ABL1: variants seen among roughly 807,000 people sequenced by gnomAD.
ABL1 encodes tyrosine-protein kinase ABL1.
In ABL1, 11 loss-of-function variants were observed where a neutral mutation model predicts 94.7. The observed-to-expected ratio is 0.12, with a 90% CI of 0.07 to 0.19. The LOEUF (loss-of-function observed/expected upper bound fraction) is 0.19. Among genes scored for constraint, ABL1 ranks in the 10% least tolerant of loss-of-function variants. The pLI is 1.00. For synonymous variants in ABL1, 656 were observed against 622.4 expected (o/e 1.05, Z -0.80); for missense variants, 1,082 against 1,489.4 (o/e 0.73, Z 4.50).
At chr9:130,758,374 G>A (rs1832068497) in intron 1 of ABL1, among the ~76,000 whole-genome samples, 1 of 151,920 alleles carries the variant, frequency 6.6e-6, no homozygotes, top group Non-Finnish European at 1.5e-5. Flanking sequence ...TGGCCAGGCT[G>A]CTCTCGGAAC....
chr9:130,865,746 CAAAAAAAAAAAAA>C (rs36055589), intron 4 of ABL1, among the ~76,000 whole-genome samples: 1 of 61,688 alleles, frequency 1.6e-5, no homozygotes, highest in Non-Finnish European at 3.4e-5. Context: ...ACCCTGTCTC[CAAAAAAAAAAAAA>C]AAAAAAAAAG....
chr9:130,854,420 A>C (rs1246176094), intron 2 of ABL1, among the ~76,000 whole-genome samples, 183 bp downstream of exon 2: 1 of 152,220 alleles, frequency 6.6e-6, no homozygotes, highest in East Asian at 1.9e-4. Flanking sequence ...CTTGTACAAT[A>C]GCCCTGGGCA....
At chr9:130,743,586 A>G (rs1831846988) in intron 1 of ABL1, among the ~76,000 whole-genome samples, 1 of 152,238 alleles carries the variant, frequency 6.6e-6, no homozygotes, top group Non-Finnish European at 1.5e-5. Context: ...ACAGCAAGAC[A>G]CATGAAATAG....
chr9:130,774,530 A>T (rs1174776564), intron 1 of ABL1, among the ~76,000 whole-genome samples: 1 of 152,176 alleles, frequency 6.6e-6, no homozygotes, highest in African/African-American at 2.4e-5. Flanking sequence ...CAGAATATTT[A>T]AAAAAGAAAC....
intron 7 of ABL1, among the ~76,000 whole-genome samples, 163 bp from the exon 8 acceptor site, chr9:130,878,252 T>C (rs981924045): frequency 3.3e-5 from 5 of 152,146 alleles, no homozygotes; most frequent in African/African-American, 1.2e-4. Context: ...CACCCAGCCT[T>C]GTCCTGGTCT....
chr9:130,726,150 CTGA>C (rs1831582679), intron 1 of ABL1, among the ~76,000 whole-genome samples: 1 of 151,746 alleles, frequency 6.6e-6, no homozygotes, highest in East Asian at 1.9e-4. Context: ...CTTGCGCGAC[CTGA>C]TATTTTAATA....
intron 1 of ABL1, among the ~76,000 whole-genome samples, chr9:130,756,322 GT>G (rs1832040925): frequency 8.7e-6 from 1 of 115,192 alleles, no homozygotes; most frequent in Non-Finnish European, 1.7e-5. Flanking sequence ...TTGTATGGAA[GT>G]TTTAATTTTT....
intron 1 of ABL1, among the ~76,000 whole-genome samples, chr9:130,778,287 T>A (rs1414917005): frequency 6.8e-6 from 1 of 147,362 alleles, no homozygotes; most frequent in African/African-American, 2.5e-5. Flanking sequence ...CTCTCAGGGC[T>A]TTGTGTTGGG....
In ABL1 at chr9:130,880,007, G is replaced by C; in HGVS notation, c.1424-61G>C. On this transcript the variant is annotated intron_variant, in intron 8 of 10. Coordinates refer to ENST00000318560, the MANE Select transcript of ABL1 (RefSeq NM_005157.6). This position sits in a 1 kb window ranked among gnomAD's most constrained non-coding sequence, Gnocchi z 4.4. ...CATTCTAGACTTTTCCTTGAGAACT[G>C]CTAGCCCCGTATTGCTAGCCAGATC... The C allele has an allele frequency of 5.4e-6, 8 of 1,486,334 alleles. No homozygotes were observed. Among genetic ancestry groups the C allele is most frequent in the Non-Finnish European group, 7.5e-6 (8 of 1,063,694 alleles). 92.1% of individuals were successfully genotyped at this position (1,486,334 alleles called of 1,614,324 possible).
chr9:130,743,714 C>T (rs886259218), intron 1 of ABL1, among the ~76,000 whole-genome samples: 1 of 152,144 alleles, frequency 6.6e-6, no homozygotes, highest in East Asian at 1.9e-4. Context: ...TATTATGTTA[C>T]CGAAGCCAAT....
chr9:130,716,790 G>A (rs952325639), intron 1 of ABL1, among the ~76,000 whole-genome samples: 6 of 151,252 alleles, frequency 4.0e-5, no homozygotes, highest in African/African-American at 1.5e-4. Context: ...CGCTCTTGTC[G>A]CCCGGGCTGG....
intron 1 of ABL1, among the ~76,000 whole-genome samples, chr9:130,795,930 G>T (rs2132817012): frequency 6.6e-6 from 1 of 152,342 alleles, no homozygotes; most frequent in Middle Eastern, 3.4e-3. Flanking sequence ...GGTGGCTCAT[G>T]CCTCTAATCC....
At chr9:130,728,230 A>ATTTTTTTTT (rs55915035) in intron 1 of ABL1, among the ~76,000 whole-genome samples, 1,330 of 102,422 alleles carry the variant, frequency 0.013, 31 homozygotes, top group Non-Finnish European at 0.017. Flanking sequence ...TGTCCAGCTG[A>ATTTTTTTTT]TTTTTTTTTT....
chr9:130,843,409 A>G (rs892019902), intron 1 of ABL1, among the ~76,000 whole-genome samples: 15 of 152,292 alleles, frequency 9.8e-5, no homozygotes, highest in Admixed American at 2.0e-4. Flanking sequence ...CGACAGCCCA[A>G]CTAGGTTGAT....
chr9:130,761,214 G>A lies in ABL1; in HGVS notation c.136+46759G>A, dbSNP rs958688596. Among the ~76,000 whole-genome samples the A allele has an allele frequency of 2.2e-4, 34 of 152,106 alleles. 1 individual carries two copies. Among genetic ancestry groups the A allele is most frequent in the African/African-American group, 7.2e-4 (30 of 41,428 alleles). Reference sequence around the variant, plus strand: ...GATCTCCTGACCTCGTGATCCACCCGCCTTGGCCTCCCAAAGTGCTGGGAT... The same window carrying A: ...GATCTCCTGACCTCGTGATCCACCCACCTTGGCCTCCCAAAGTGCTGGGAT... On this transcript the variant is annotated intron_variant, in intron 1 of 10. Transcript: ENST00000372348.
rs549871524 is a variant in ABL1, at chr9:130,873,892, G to A, written c.1085+855G>A. Among the ~76,000 whole-genome samples, 8 of 152,230 alleles carry A rather than the reference G, an allele frequency of 5.3e-5. No homozygotes were observed. In the East Asian group the frequency reaches 1.4e-3, roughly 26 times the overall value. On this transcript the variant is annotated intron_variant, in intron 6 of 10. Coordinates refer to ENST00000318560, the MANE Select transcript of ABL1 (RefSeq NM_005157.6). ...AGGGTAGCATGTGTGAAATGCTGGC[G>A]GCTCCTTGTAAGACAGATTTTCTAT... is the stretch of plus-strand genomic sequence containing the variant.
At chr9:130,825,743 T>C (rs1272474130) in intron 1 of ABL1, among the ~76,000 whole-genome samples, 1 of 152,218 alleles carries the variant, frequency 6.6e-6, no homozygotes, top group Non-Finnish European at 1.5e-5. Context: ...TGGCAAAATC[T>C]CTTTAAGTTT....
chr9:130,776,841 C>A (rs1335737626), intron 1 of ABL1, among the ~76,000 whole-genome samples: 1 of 152,128 alleles, frequency 6.6e-6, no homozygotes, highest in South Asian at 2.1e-4. Flanking sequence ...ATCCTTCTGT[C>A]GCGGCCTCCC....
rs563175254 is a variant in ABL1, at chr9:130,722,130, C to G, written c.136+7675C>G. ...TGGACAGGCTGGGCGTGGTGGCTCA[C>G]GCCTGTAATCCCAGCACTTTGGGAG... On this transcript the variant is annotated intron_variant, in intron 1 of 10. Transcript: ENST00000372348. Among the ~76,000 whole-genome samples the G allele has an allele frequency of 1.3e-5, 2 of 151,810 alleles. 1 individual carries two copies. The highest frequency in any genetic ancestry group is 4.2e-4 in the South Asian group (2 of 4,804).
Sources: allele counts gnomAD v4.1 joint callset (sites outside exome capture counted in the v4.1 genomes callset), GRCh38; gene constraint gnomAD v4.1.1; non-coding constraint Gnocchi (gnomAD v3.1); transcripts MANE v1.5; gene names NCBI Gene and HGNC (gene_info 2026-07-23, HGNC 2026-07-21).